MESD: variants seen among roughly 807,000 people sequenced by gnomAD.
MESD encodes mesoderm development LRP chaperone.
In MESD, 7 loss-of-function variants were observed where a neutral mutation model predicts 12.9. That is an observed-to-expected ratio of 0.54 (90% CI 0.31 to 1.02). The LOEUF is 1.02. Ranked by LOEUF, MESD falls within the 50% of genes least tolerant of loss-of-function variation. MESD has a pLI of 0.05. For synonymous variants in MESD, 126 were observed against 115.6 expected (o/e 1.09, Z -0.58); for missense variants, 342 against 296.7 (o/e 1.15, Z -1.12).
At chr15:80,984,847 C>G (rs1472914035) in intron 1 of MESD, among the ~76,000 whole-genome samples, 1 of 152,100 alleles carries the variant, frequency 6.6e-6, no homozygotes, top group Non-Finnish European at 1.5e-5. Context: ...CTTAAGATAC[C>G]ATTAATAATG....
rs191989642 is a variant in MESD at position 80,989,813 on chromosome 15, C to T, written c.-22G>A. On this transcript the variant is annotated 5_prime_UTR_variant, in exon 1 of 3. Coordinates refer to ENST00000261758, the MANE Select transcript of MESD (RefSeq NM_015154.3). ...CCATTTTCGCTGCGCCGCGCAGCGCCCTAGACGCGCTTACCCGACCTGCGC... is the reference window on the plus strand; with the variant it reads ...CCATTTTCGCTGCGCCGCGCAGCGCTCTAGACGCGCTTACCCGACCTGCGC... The T allele has an allele frequency of 7.8e-6, 12 of 1,544,140 alleles. No individual in the cohort carries two copies. The African/African-American group carries it at 8.2e-5, about 11-fold the overall frequency.
intron 1 of MESD, 37 bp downstream of exon 1, chr15:80,989,542 C>G: frequency 6.3e-7 from 1 of 1,598,650 alleles, no homozygotes; most frequent in Non-Finnish European, 8.5e-7. Context: ...GGGTCCCGCA[C>G]AGAGAAGAGC....
exon 4 of MESD, chr15:80,952,280 G>A (rs1382402625): frequency 1.3e-5 from 6 of 455,574 alleles, no homozygotes; most frequent in Non-Finnish European, 1.8e-5. Flanking sequence ...AGGCAGCACT[G>A]GAAGGGGCTC....
At chr15:80,974,721 G>GCT (rs1902367057), downstream of MESD, among the ~76,000 whole-genome samples, 1 of 148,656 alleles carries the variant, frequency 6.7e-6, no homozygotes, top group South Asian at 2.1e-4. Context: ...TACACAGCAT[G>GCT]CTCTAGAAGG....
At chr15:80,985,705 G>A (rs1207067424) in intron 1 of MESD, among the ~76,000 whole-genome samples, 3 of 140,010 alleles carry the variant, frequency 2.1e-5, no homozygotes, top group African/African-American at 5.5e-5. Context: ...GAATGCAATG[G>A]TGCTGGTGCA....
intron 1 of MESD, 57 bp downstream of exon 1, chr15:80,989,522 A>T (rs1893236571): frequency 6.4e-7 from 1 of 1,561,372 alleles, no homozygotes; most frequent in Non-Finnish European, 8.7e-7. Flanking sequence ...GTAAGGGGTC[A>T]TAGGGAACAG....
exon 5 of MESD, chr15:80,948,739 G>A (rs1901678363): frequency 1.2e-6 from 2 of 1,612,150 alleles, no homozygotes; most frequent in South Asian, 1.1e-5. Flanking sequence ...ATGGAACGGG[G>A]TGGGGCAGCC....
At chr15:80,962,772 T>C (rs539400857) in intron 3 of MESD, among the ~76,000 whole-genome samples, 5 of 152,308 alleles carry the variant, frequency 3.3e-5, no homozygotes, top group Non-Finnish European at 7.3e-5. Context: ...GAAATAAAGA[T>C]GTTCTTTGAA....
chr15:80,959,402 C>T (rs1009744060), intron 3 of MESD, among the ~76,000 whole-genome samples: 35 of 152,232 alleles, frequency 2.3e-4, no homozygotes, highest in Admixed American at 5.9e-4. Flanking sequence ...GAAATTAGTG[C>T]GGCCCTGGTG....
intron 1 of MESD, among the ~76,000 whole-genome samples, chr15:80,988,654 T>C (rs1300825310): frequency 6.6e-6 from 1 of 152,214 alleles, no homozygotes; most frequent in East Asian, 1.9e-4. Context: ...TCTGAAAGTC[T>C]TTCCCTTCTC....
intron 3 of MESD, among the ~76,000 whole-genome samples, chr15:80,955,498 A>AAAAAAAG (rs1901955767): frequency 1.3e-5 from 2 of 150,970 alleles, no homozygotes; most frequent in African/African-American, 4.9e-5. Context: ...AAAAAAAAAA[A>AAAAAAAG]AAAAAAAGAA....
At chr15:80,974,657 A>T (rs1184908230), downstream of MESD, among the ~76,000 whole-genome samples, 1 of 150,906 alleles carries the variant, frequency 6.6e-6, no homozygotes, top group East Asian at 1.9e-4. Context: ...CAGAAGATAA[A>T]TTTTTCCAAA....
At chr15:80,954,372 C>T (rs1299630299) in intron 3 of MESD, among the ~76,000 whole-genome samples, 1 of 152,226 alleles carries the variant, frequency 6.6e-6, no homozygotes, top group African/African-American at 2.4e-5. Flanking sequence ...CCTAGCGCAA[C>T]CCTCCTGCCT....
At chr15:80,956,117 A>T (rs915895900) in intron 3 of MESD, among the ~76,000 whole-genome samples, 4 of 152,020 alleles carry the variant, frequency 2.6e-5, no homozygotes, top group Admixed American at 6.5e-5. Context: ...TTGAGCCTGG[A>T]AGGTAGAGTC....
chr15:80,949,418 C>T (rs1901721571), intron 4 of MESD: 1 of 230,072 alleles, frequency 4.3e-6, no homozygotes, highest in Non-Finnish European at 8.8e-6. Context: ...GAGCCAACCT[C>T]ACAGGATTAG....
intron 3 of MESD, among the ~76,000 whole-genome samples, chr15:80,969,017 T>C (rs572638282): frequency 6.6e-6 from 1 of 152,254 alleles, no homozygotes; most frequent in South Asian, 2.1e-4. Flanking sequence ...AGGGAGACCC[T>C]GTCTCTACAA....
exon 5 of MESD, chr15:80,947,419 C>T (rs1438022499): frequency 3.4e-6 from 1 of 295,910 alleles, no homozygotes; most frequent in African/African-American, 2.2e-5. Context: ...TTCAGACTGG[C>T]CAGGGGTCCT....
intron 1 of MESD, among the ~76,000 whole-genome samples, chr15:80,987,680 A>C (rs1277992080): frequency 6.6e-6 from 1 of 151,900 alleles, no homozygotes; most frequent in East Asian, 1.9e-4. Flanking sequence ...GTAGAGATGG[A>C]GTTTCACCAT....
chr15:80,958,076 A>G (rs1291438684), intron 3 of MESD, among the ~76,000 whole-genome samples: 2 of 152,176 alleles, frequency 1.3e-5, no homozygotes, highest in African/African-American at 4.8e-5. Context: ...TCCTCAAATT[A>G]CACAAACACA....
Sources: gnomAD v4.1 joint callset for allele counts (sites outside exome capture counted in the v4.1 genomes callset) on GRCh38, gnomAD v4.1.1 for gene constraint, MANE v1.5 for transcripts, NCBI Gene and HGNC (gene_info 2026-07-23, HGNC 2026-07-21) for gene names.